Variants in CAMTA1 observed in about 807,000 individuals in gnomAD.
The protein encoded by CAMTA1 is calmodulin-binding transcription activator 1.
In CAMTA1, 27 loss-of-function variants were observed where a neutral mutation model predicts 170.9. That is an observed-to-expected ratio of 0.16 (90% CI 0.12 to 0.22). The LOEUF is 0.22. CAMTA1 is among the 10% of genes least tolerant of loss of function. CAMTA1 has a pLI of 1.00. For synonymous variants in CAMTA1, 833 were observed against 891.5 expected, an observed-to-expected ratio of 0.93 and a Z score of 1.17; for missense variants, 1,619 against 2,217.2, an observed-to-expected ratio of 0.73 and a Z score of 5.42.
At chr1:7,538,895 C>T (rs1443394004) in intron 6 of CAMTA1, among the ~76,000 whole-genome samples, 4 of 152,152 alleles carry the variant, frequency 2.6e-5, no homozygotes, top group Admixed American at 2.6e-4. Flanking sequence ...TCCTGGCTTC[C>T]GGTCATTTGA....
intron 3 of CAMTA1, among the ~76,000 whole-genome samples, chr1:6,836,559 G>A (rs980210441): frequency 6.6e-6 from 1 of 152,162 alleles, no homozygotes; most frequent in African/African-American, 2.4e-5. Context: ...TGGACAAGGT[G>A]AAGCAGAGTC....
chr1:7,485,816 C>A (rs2093610549), intron 6 of CAMTA1, among the ~76,000 whole-genome samples: 1 of 152,248 alleles, frequency 6.6e-6, no homozygotes, highest in South Asian at 2.1e-4. Context: ...ACCCCAACTT[C>A]CTGACTGCAT....
At chr1:7,624,369 G>T (rs1576457096) in intron 6 of CAMTA1, among the ~76,000 whole-genome samples, 1 of 152,164 alleles carries the variant, frequency 6.6e-6, no homozygotes, top group East Asian at 1.9e-4. Context: ...GGGCCAAGAT[G>T]GGGAGTAGGG....
In CAMTA1 at chr1:7,482,332, G is replaced by A. The variant is rs1275559859; in HGVS notation, c.510+14431G>A. On this transcript the variant is annotated intron_variant, in intron 6 of 22. Transcript: ENST00000303635. This position sits in a 1 kb window ranked among gnomAD's most constrained non-coding sequence, Gnocchi z 4.2. ...GGTGTGAATGGTGTCCATCCATCCA[G>A]CACCGGGCTTCCTGAGGGCAGGGCC... Among the ~76,000 whole-genome samples, 1 of 152,148 alleles carries A rather than the reference G, an allele frequency of 6.6e-6. No individual in the cohort carries two copies. Among genetic ancestry groups the A allele is most frequent in the Non-Finnish European group, 1.5e-5 (1 of 68,030 alleles).
In CAMTA1 at chr1:7,562,034, G is replaced by A. The variant is rs543026724; in HGVS notation, c.511-78366G>A. Among the ~76,000 whole-genome samples, 1 of 152,276 alleles carries A rather than the reference G, an allele frequency of 6.6e-6. No individual in the cohort carries two copies. The highest frequency in any genetic ancestry group is 2.1e-4 in the South Asian group (1 of 4,818). On this transcript the variant is annotated intron_variant, in intron 6 of 22. Transcript: ENST00000303635. The surrounding 1 kb of genome is among the most constrained non-coding windows in gnomAD (Gnocchi z 4.8). ...TTCTGCAGACTTTGTCCCCATCGAA[G>A]GGTCGTGGCCAAGATGGTGATTGGG...
chr1:7,335,124 T>TTG (rs577353689), intron 5 of CAMTA1, among the ~76,000 whole-genome samples: 618 of 18,872 alleles, frequency 0.033, 4 homozygotes, highest in Non-Finnish European at 0.044. Context: ...AGCACAGCTT[T>TTG]TGTGTGTGTG....
chr1:7,668,533 T>C (rs1576716242), intron 9 of CAMTA1, among the ~76,000 whole-genome samples: 1 of 152,042 alleles, frequency 6.6e-6, no homozygotes, highest in East Asian at 1.9e-4. Flanking sequence ...TCAGATGGCA[T>C]TTCGTGCCCC....
chr1:7,748,200 CA>C lies in CAMTA1; in HGVS notation c.4689+420del, dbSNP rs2096870842. On this transcript the variant is annotated intron_variant, in intron 19 of 22. Coordinates refer to ENST00000303635, the MANE Select transcript of CAMTA1 (RefSeq NM_015215.4). The surrounding 1 kb of genome is among the most constrained non-coding windows in gnomAD (Gnocchi z 4.7). ...GTGCTGGGATTACAAGCATGAGCCG[CA>C]GCGCCCGGCCAGAGACTTAATTTGA... 6.6e-6 allele frequency among the ~76,000 whole-genome samples: 1 copy of C among 152,084 alleles called. No homozygotes were observed. The highest frequency in any genetic ancestry group is 2.4e-5 in the African/African-American group (1 of 41,394).
rs151016835 is a variant in CAMTA1 at position 7,672,562 on chromosome 1, T to C, written c.2779+1525T>C. 5.9e-3 allele frequency among the ~76,000 whole-genome samples: 892 copies of C among 152,224 alleles called. 11 individuals are homozygous for C. Among genetic ancestry groups the C allele is most frequent in the African/African-American group, 0.02 (823 of 41,538 alleles). Reference sequence around the variant, plus strand: ...TCAGCCTCCCTGGTACCTGGGACTATAGGCTTGTGCCACCACACCCAGCTA... The same window carrying C: ...TCAGCCTCCCTGGTACCTGGGACTACAGGCTTGTGCCACCACACCCAGCTA... On this transcript the variant is annotated intron_variant, in intron 10 of 22. Transcript: ENST00000303635.
chr1:7,578,968 T>C lies in CAMTA1; in HGVS notation c.511-61432T>C, dbSNP rs150468681. Among the ~76,000 whole-genome samples, 63 of 152,274 alleles carry C rather than the reference T, an allele frequency of 4.1e-4. 1 individual carries two copies. Among genetic ancestry groups the C allele is most frequent in the African/African-American group, 1.4e-3 (59 of 41,568 alleles). On this transcript the variant is annotated intron_variant, in intron 6 of 22. Transcript: ENST00000303635. ...GGCAAAGGCATTCATACCATCCCCG[T>C]GGGAGGCTCTCCCACCACTACCCCT...
chr1:7,175,843 G>C (rs946944380), intron 4 of CAMTA1, among the ~76,000 whole-genome samples: 1 of 152,258 alleles, frequency 6.6e-6, no homozygotes, highest in Non-Finnish European at 1.5e-5. Context: ...GGCTTTGCCT[G>C]AAGCCATGTG....
At position 6,957,423 on chromosome 1, in the gene CAMTA1, C is replaced by T. The variant is rs531399560; in HGVS notation, c.234+132213C>T. Among the ~76,000 whole-genome samples the T allele has an allele frequency of 2.5e-4, 38 of 152,208 alleles. No individual in the cohort carries two copies. The East Asian group carries it at 3.9e-3, about 15-fold the overall frequency. On this transcript the variant is annotated intron_variant, in intron 3 of 22. Transcript: ENST00000303635. ...TGGGTCTTGATTTTGACATGGGTCT[C>T]GGTGTTTTAAAATCAAGGTGTTGGC... is the stretch of plus-strand genomic sequence containing the variant.
intron 22 of CAMTA1, among the ~76,000 whole-genome samples, chr1:7,763,470 A>G (rs1211656056): frequency 2.0e-5 from 3 of 152,254 alleles, no homozygotes; most frequent in African/African-American, 2.4e-5. Flanking sequence ...GTACGTGGAC[A>G]TGCACCTCTC....
intron 5 of CAMTA1, among the ~76,000 whole-genome samples, chr1:7,271,111 GC>G (rs1326991916): frequency 6.6e-6 from 1 of 152,272 alleles, no homozygotes; most frequent in East Asian, 1.9e-4. Flanking sequence ...TGGAGATGGG[GC>G]CTCTAAGGAA....
At chr1:7,657,624 T>C (rs1018091556) in intron 7 of CAMTA1, among the ~76,000 whole-genome samples, 1 of 152,184 alleles carries the variant, frequency 6.6e-6, no homozygotes, top group East Asian at 1.9e-4. Flanking sequence ...CATAAAGCGC[T>C]TTTTCCCTAT....
At chr1:7,088,768 A>T (rs922868351) in intron 3 of CAMTA1, among the ~76,000 whole-genome samples, 4 of 152,180 alleles carry the variant, frequency 2.6e-5, no homozygotes, top group African/African-American at 9.7e-5. Context: ...AGGGGCATGG[A>T]TCAGGGGGTT....
In CAMTA1 at chr1:6,830,570, C is replaced by T. The variant is rs368407448; in HGVS notation, c.234+5360C>T. ...GTTGGTTAGGCTGGTCTCCAACTCC[C>T]GACCTCAGGTGATCCGCCTGCCTCA... On this transcript the variant is annotated intron_variant, in intron 3 of 22. Transcript: ENST00000303635. Among the ~76,000 whole-genome samples the T allele has an allele frequency of 1.2e-4, 19 of 152,092 alleles. No homozygotes were observed. The East Asian group carries it at 1.4e-3, about 11-fold the overall frequency.
chr1:6,846,107 C>T (rs1269736399), intron 3 of CAMTA1, among the ~76,000 whole-genome samples: 4 of 152,196 alleles, frequency 2.6e-5, no homozygotes, highest in Non-Finnish European at 5.9e-5. Context: ...CCACCTGGCC[C>T]CGCCCTTGAC....
At chr1:7,068,192 C>T (rs1021676494) in intron 3 of CAMTA1, among the ~76,000 whole-genome samples, 1 of 152,154 alleles carries the variant, frequency 6.6e-6, no homozygotes, top group Non-Finnish European at 1.5e-5. Flanking sequence ...CATCTGCCCT[C>T]GTATTCATGC....
Sources: allele counts gnomAD v4.1 joint callset (sites outside exome capture counted in the v4.1 genomes callset), GRCh38; gene constraint gnomAD v4.1.1; non-coding constraint Gnocchi (gnomAD v3.1); transcripts MANE v1.5; gene names NCBI Gene and HGNC (gene_info 2026-07-23, HGNC 2026-07-21).